Variants in RGS7 observed in about 807,000 individuals in gnomAD.
RGS7 encodes the protein regulator of G-protein signaling 7.
Under a neutral mutation model 81.1 loss-of-function variants are expected in RGS7, and 27 were observed. The ratio of observed to expected loss-of-function variants is 0.33; its 90% CI spans 0.25 to 0.46. The LOEUF (loss-of-function observed/expected upper bound fraction) is 0.46, where lower values mean the gene tolerates loss of function less well. Ranked by LOEUF, RGS7 falls within the 20% of genes least tolerant of loss-of-function variation. RGS7 has a pLI of 1.00. For missense variants in RGS7, 396 were observed against 607.4 expected, an observed-to-expected ratio of 0.65 and a Z score of 3.66; for synonymous variants, 208 against 207.7, an observed-to-expected ratio of 1.00 and a Z score of -0.01.
At chr1:241,183,520 ATGGG>A (rs2071819668) in intron 2 of RGS7, among the ~76,000 whole-genome samples, 1 of 152,190 alleles carries the variant, frequency 6.6e-6, no homozygotes, top group South Asian at 2.1e-4. Context: ...TATCAAGTAG[ATGGG>A]TGGGTCAGGT....
At chr1:241,172,231 A>T (rs899719846) in intron 2 of RGS7, among the ~76,000 whole-genome samples, 1 of 108,400 alleles carries the variant, frequency 9.2e-6, no homozygotes, top group East Asian at 2.9e-4. Context: ...TTCTTTTTTT[A>T]AAAAAGGCAC....
intron 9 of RGS7, among the ~76,000 whole-genome samples, chr1:240,858,873 C>T (rs373770996): frequency 5.9e-5 from 9 of 152,084 alleles, no homozygotes; most frequent in Non-Finnish European, 1.0e-4. Context: ...TCTTGTACAA[C>T]GCTGGACATG....
At chr1:241,083,635 C>G (rs1451147097) in intron 3 of RGS7, among the ~76,000 whole-genome samples, 2 of 152,108 alleles carry the variant, frequency 1.3e-5, no homozygotes, top group Non-Finnish European at 2.9e-5. Context: ...TTAACATTTC[C>G]TGTTTTCTGC....
chr1:241,061,203 G>A (rs1241210624), intron 3 of RGS7, among the ~76,000 whole-genome samples: 1 of 152,180 alleles, frequency 6.6e-6, no homozygotes, highest in East Asian at 1.9e-4. Flanking sequence ...ACAATCTTTA[G>A]CAATTATAAT....
At chr1:241,253,940 G>A (rs1189144084) in intron 2 of RGS7, among the ~76,000 whole-genome samples, 1 of 152,178 alleles carries the variant, frequency 6.6e-6, no homozygotes, top group East Asian at 1.9e-4. Context: ...TTGAGGAGGA[G>A]AGCAGTAGGC....
intron 2 of RGS7, among the ~76,000 whole-genome samples, chr1:241,267,821 A>C (rs970343681): frequency 2.0e-5 from 3 of 152,220 alleles, no homozygotes; most frequent in African/African-American, 4.8e-5. Flanking sequence ...ATCTTCCGTT[A>C]TCTCTCCAAG....
chr1:240,998,304 T>C, intron 3 of RGS7: 1 of 399,574 alleles, frequency 2.5e-6, no homozygotes, highest in Non-Finnish European at 4.5e-6. Context: ...GTTGGGCTTA[T>C]TTATCCTATT....
At position 241,132,741 on chromosome 1, in the gene RGS7, ATTTGTTTG is replaced by A. The variant is rs751782828; in HGVS notation, c.79-33987_79-33980del. Among the ~76,000 whole-genome samples, 686 of 151,100 alleles carry A rather than the reference ATTTGTTTG, an allele frequency of 4.5e-3. 5 individuals are homozygous for A. The highest frequency in any genetic ancestry group is 0.017 in the Middle Eastern group (5 of 294). ...AGGTCTGTCAATAATTCAACTTATT[ATTTGTTTG>A]TTTGTTTGTTTGTTTGTTTGTTTGT... is the stretch of plus-strand genomic sequence containing the variant. On this transcript the variant is annotated intron_variant, in intron 2 of 18. Transcript: ENST00000440928.
intron 2 of RGS7, among the ~76,000 whole-genome samples, chr1:241,326,745 G>C (rs1196537355): frequency 6.7e-6 from 1 of 150,102 alleles, no homozygotes; most frequent in Admixed American, 6.7e-5. Flanking sequence ...GGAGCTCAAG[G>C]CCAGCCTGGG....
chr1:240,835,482 T>C (rs949275754), intron 9 of RGS7, among the ~76,000 whole-genome samples: 1 of 152,242 alleles, frequency 6.6e-6, no homozygotes, highest in South Asian at 2.1e-4. Flanking sequence ...TTCTCATTCA[T>C]TGCCAGTGGG....
At chr1:240,812,202 T>C (rs965632362) in intron 13 of RGS7, among the ~76,000 whole-genome samples, 159 bp from the exon 14 acceptor site, 1 of 152,196 alleles carries the variant, frequency 6.6e-6, no homozygotes, top group African/African-American at 2.4e-5. Flanking sequence ...CATGAAATCA[T>C]CGTGTACATT....
intron 4 of RGS7, among the ~76,000 whole-genome samples, chr1:240,939,020 T>C (rs954433424): frequency 6.6e-6 from 1 of 152,164 alleles, no homozygotes; most frequent in Non-Finnish European, 1.5e-5. Flanking sequence ...TCATTCTCTG[T>C]GCCTCCCCCA....
At chr1:241,238,147 A>G (rs758936054) in intron 2 of RGS7, among the ~76,000 whole-genome samples, 1 of 152,148 alleles carries the variant, frequency 6.6e-6, no homozygotes, top group Non-Finnish European at 1.5e-5. Flanking sequence ...GCTGTGAGGA[A>G]GTGTTGTGCA....
intron 2 of RGS7, among the ~76,000 whole-genome samples, chr1:241,130,944 A>AAAAAAAAAAC (rs1491202997): frequency 1.7e-4 from 25 of 150,230 alleles, no homozygotes; most frequent in African/African-American, 6.0e-4. Context: ...AAAAAAAAAA[A>AAAAAAAAAAC]ACCAAGAGGC....
At chr1:241,097,819 G>A (rs1351010262) in intron 3 of RGS7, among the ~76,000 whole-genome samples, 2 of 152,102 alleles carry the variant, frequency 1.3e-5, no homozygotes, top group African/African-American at 4.8e-5. Context: ...ACCCGCGGGG[G>A]TTCCTCATTT....
chr1:240,937,067 C>T (rs1676753548), intron 4 of RGS7, among the ~76,000 whole-genome samples: 2 of 152,182 alleles, frequency 1.3e-5, no homozygotes, highest in African/African-American at 4.8e-5. Context: ...CATGCCCAAA[C>T]ATGCCTTGTA....
chr1:240,973,454 G>A (rs1683564723), intron 4 of RGS7, among the ~76,000 whole-genome samples: 1 of 151,602 alleles, frequency 6.6e-6, no homozygotes, highest in Non-Finnish European at 1.5e-5. Flanking sequence ...AGGTTACAGT[G>A]AGCCGAGATC....
At chr1:241,220,983 A>AAAGAGAGAG (rs2074895508) in intron 2 of RGS7, among the ~76,000 whole-genome samples, 2 of 85,886 alleles carry the variant, frequency 2.3e-5, no homozygotes, top group African/African-American at 7.1e-5. Context: ...GGAAGGAAGG[A>AAAGAGAGAG]AGGAAGGAAG....
chr1:241,211,458 C>T (rs756582100), intron 2 of RGS7, among the ~76,000 whole-genome samples: 5 of 152,154 alleles, frequency 3.3e-5, no homozygotes, highest in African/African-American at 7.2e-5. Flanking sequence ...TCACCGTCAC[C>T]GTAGCTGGAG....
Sources: allele counts gnomAD v4.1 joint callset (sites outside exome capture counted in the v4.1 genomes callset), GRCh38; gene constraint gnomAD v4.1.1; transcripts MANE v1.5; gene names NCBI Gene and HGNC (gene_info 2026-07-23, HGNC 2026-07-21).